The following C15orf61 variants were observed in gnomAD, a reference collection of about 807,000 sequenced individuals.
C15orf61 encodes the protein uncharacterized protein C15orf61.
Under a neutral mutation model 13.7 loss-of-function variants are expected in C15orf61, and 12 were observed. That is an observed-to-expected ratio of 0.88 (90% CI 0.56 to 1.42). The LOEUF (loss-of-function observed/expected upper bound fraction) is 1.42, where lower values mean the gene tolerates loss of function less well. Among genes scored for constraint, C15orf61 ranks in the 40% most tolerant of loss-of-function variants. The probability of loss-of-function intolerance (pLI) is 0.00; values close to 1 mark genes in which losing one functional copy is unlikely to be tolerated. For missense variants in C15orf61, 248 were observed against 213.2 expected (o/e 1.16, Z -1.02); for synonymous variants, 92 against 94.1 (o/e 0.98, Z 0.13).
chr15:67,521,888 G>A, intron 1 of C15orf61: 1 of 655,252 alleles, frequency 1.5e-6, no homozygotes, highest in East Asian at 2.8e-5. Flanking sequence ...CCCTGGCCTG[G>A]GCAGTAAGCC....
intron 1 of C15orf61, among the ~76,000 whole-genome samples, chr15:67,523,045 T>C (rs2084177454): frequency 6.6e-6 from 1 of 152,182 alleles, no homozygotes; most frequent in Non-Finnish European, 1.5e-5. Context: ...TTTTTTGTTT[T>C]GTTTTGTTTA....
At position 67,521,136 on chromosome 15, in the gene C15orf61, G is replaced by T. The variant is rs538974331; in HGVS notation, c.-113G>T. ...CTGTGCGCACGCGCCGCCGCACACC[G>T]GGGGCTCTCGGGCACCCGCGCGGCG... is the stretch of plus-strand genomic sequence containing the variant. On this transcript the variant is annotated 5_prime_UTR_variant, in exon 1 of 2. Transcript: ENST00000342683. The T allele has an allele frequency of 6.2e-5, 37 of 593,280 alleles. No individual in the cohort carries two copies. In the African/African-American group the frequency reaches 6.9e-4, roughly 11 times the overall value. The allele number at this position is 593,280 out of a possible 1,614,324, so 36.8% of individuals were successfully genotyped here.
At position 67,527,222 on chromosome 15, in the gene C15orf61, C is replaced by G. The variant is rs553314551; in HGVS notation, c.*677C>G. The G allele has an allele frequency of 1.4e-4, 22 of 152,260 alleles. No individual in the cohort carries two copies. The East Asian group carries it at 2.7e-3, about 19-fold the overall frequency. The allele number at this position is 152,260 out of a possible 1,614,324, so 9.4% of individuals were successfully genotyped here. On this transcript the variant is annotated 3_prime_UTR_variant, in exon 2 of 2. Coordinates refer to ENST00000342683, the MANE Select transcript of C15orf61 (RefSeq NM_001143936.2). ...TCAGACTTATTAAAAGTTAAAACAG[C>G]TTTCCTATAAAGCTGTAAGAACAAT...
chr15:67,521,561 C>T lies in C15orf61; in HGVS notation c.313C>T (p.Arg105Cys), dbSNP rs1383229677. The T allele has an allele frequency of 2.6e-6, 4 of 1,540,908 alleles. No individual in the cohort carries two copies. Among genetic ancestry groups the T allele is most frequent in the East Asian group, 2.5e-5 (1 of 40,608 alleles). The change falls in exon 1 of 2, where the codon CGC becomes TGC. Residue 105 changes from arginine to cysteine, a missense_variant. Physicochemically the swap from Arg to Cys is radical, Grantham distance 180. Coordinates refer to ENST00000342683, the MANE Select transcript of C15orf61 (RefSeq NM_001143936.2). ...APWQDLARQNRFFTALKVVNL... is the reference protein window; with the variant it reads ...APWQDLARQNCFFTALKVVNL... ...CTGGCAGGACCTGGCCCGGCAGAAC[C>T]GCTTCTTCACGGCGCTCAAGGTCGT...
chr15:67,524,833 G>GTT (rs1307736179), intron 1 of C15orf61, among the ~76,000 whole-genome samples: 6 of 112,646 alleles, frequency 5.3e-5, no homozygotes, highest in African/African-American at 1.4e-4. Context: ...TTGCTTTTTT[G>GTT]TTTGTTTTTT....
chr15:67,523,723 G>GA (rs1286190418), intron 1 of C15orf61, among the ~76,000 whole-genome samples: 5 of 152,150 alleles, frequency 3.3e-5, no homozygotes, highest in Middle Eastern at 3.4e-3. Flanking sequence ...TAATTTTTCA[G>GA]AAAAAATTGA....
At chr15:67,524,665 C>T (rs1371480907) in intron 1 of C15orf61, among the ~76,000 whole-genome samples, 6 of 152,080 alleles carry the variant, frequency 3.9e-5, no homozygotes, top group African/African-American at 1.4e-4. Flanking sequence ...GATGCTTCTC[C>T]TGATTAATCT....
chr15:67,521,275 G>A lies in C15orf61; in HGVS notation c.27G>A (p.Glu9=), dbSNP rs560365405. ...TGGAGGCCCTGAGGAGGGCCCACGA[G>A]GTCGCGCTCCGCCTGCTGCTGTGTA... MEALRRAH[E]VALRLLLCRP... Residue 9 remains glutamate, a synonymous_variant, in exon 1 of 2, where the codon GAG becomes GAA. Coordinates refer to ENST00000342683, the MANE Select transcript of C15orf61 (RefSeq NM_001143936.2). 1.4e-6 allele frequency: 2 copies of A among 1,437,694 alleles called. No homozygotes were observed. The highest frequency in any genetic ancestry group is 2.5e-5 in the Admixed American group (1 of 39,526). 89.1% of individuals were successfully genotyped at this position (1,437,694 alleles called of 1,614,324 possible).
rs911342931 is a variant in C15orf61, at chr15:67,525,499, A to G, written c.347-919A>G. 7.2e-5 allele frequency among the ~76,000 whole-genome samples: 11 copies of G among 152,216 alleles called. No homozygotes were observed. Among genetic ancestry groups the G allele is most frequent in the African/African-American group, 2.7e-4 (11 of 41,448 alleles). On this transcript the variant is annotated intron_variant, in intron 1 of 1. Transcript: ENST00000342683. This position sits in a 1 kb window ranked among gnomAD's most constrained non-coding sequence, Gnocchi z 4.9. ...CTTATCAATTCCAAAGAAGAAACAC[A>G]TGTTGGAGTCTACTATATATCTATT...
rs2084214849 is a variant in C15orf61, at chr15:67,529,125, A to G, written c.*2580A>G. 6.6e-6 allele frequency: 1 copy of G among 152,178 alleles called. No individual in the cohort carries two copies. The highest frequency in any genetic ancestry group is 2.1e-4 in the South Asian group (1 of 4,818). 9.4% of individuals were successfully genotyped at this position (152,178 alleles called of 1,614,324 possible). A position where few individuals can be genotyped will look rare whatever the true frequency, so the allele number is the denominator to read the frequency against. The stretch of plus-strand genomic sequence containing the variant: ...TTAATCCAACCAAAACTGTTTTAAT[A>G]AAGGTGTACTTTTAGTACAAAACCT... On this transcript the variant is annotated 3_prime_UTR_variant, in exon 2 of 2. Transcript: ENST00000342683. This position sits in a 1 kb window ranked among gnomAD's most constrained non-coding sequence, Gnocchi z 4.4.
intron 1 of C15orf61, chr15:67,521,980 A>G: frequency 1.4e-6 from 1 of 694,382 alleles, no homozygotes; most frequent in Non-Finnish European, 2.6e-6. Context: ...CATTCCCGTG[A>G]ACATCACTTT....
At position 67,526,615 on chromosome 15, in the gene C15orf61, C is replaced by A; in HGVS notation, c.*70C>A. On this transcript the variant is annotated 3_prime_UTR_variant, in exon 2 of 2. Transcript: ENST00000342683. ...TATATGTGCAGTATTTATTTTTGAT[C>A]CTTTAAAATAAAACTTTTGCAAATA... 2 of 1,328,636 alleles carry A rather than the reference C, an allele frequency of 1.5e-6. No individual in the cohort carries two copies. Among genetic ancestry groups the A allele is most frequent in the Non-Finnish European group, 2.0e-6 (2 of 1,014,032 alleles). 82.3% of individuals were successfully genotyped at this position (1,328,636 alleles called of 1,614,324 possible). A position where few individuals can be genotyped will look rare whatever the true frequency, so the allele number is the denominator to read the frequency against.
rs2084155476 is a variant in C15orf61 at position 67,521,166 on chromosome 15, T to A, written c.-83T>A. On this transcript the variant is annotated 5_prime_UTR_variant, in exon 1 of 2. The change creates a new upstream start codon in the 5' untranslated region. Transcript: ENST00000342683. ...CTCTCGGGCACCCGCGCGGCGCCGGTTGGCCTTCCCGGCGCTCGCCCGGGG... is the reference window on the plus strand; with the variant it reads ...CTCTCGGGCACCCGCGCGGCGCCGGATGGCCTTCCCGGCGCTCGCCCGGGG... 4.2e-6 allele frequency: 4 copies of A among 942,308 alleles called. No individual in the cohort carries two copies. The highest frequency in any genetic ancestry group is 4.0e-6 in the Non-Finnish European group (3 of 749,452). The allele number at this position is 942,308 out of a possible 1,614,324, so 58.4% of individuals were successfully genotyped here.
chr15:67,525,837 C>A lies in C15orf61; in HGVS notation c.347-581C>A, dbSNP rs1310614445. Among the ~76,000 whole-genome samples, 2 of 152,172 alleles carry A rather than the reference C, an allele frequency of 1.3e-5. No homozygotes were observed. Among genetic ancestry groups the A allele is most frequent in the East Asian group, 3.9e-4 (2 of 5,188 alleles). On this transcript the variant is annotated intron_variant, in intron 1 of 1. Transcript: ENST00000342683. This position sits in a 1 kb window ranked among gnomAD's most constrained non-coding sequence, Gnocchi z 4.9. ...GACCATCCTGGCCAACATGGTGAAA[C>A]CCCATCTCTACTAAAAAAGTACAAA...
chr15:67,524,015 A>G (rs1324580262), intron 1 of C15orf61, among the ~76,000 whole-genome samples: 1 of 152,170 alleles, frequency 6.6e-6, no homozygotes, highest in African/African-American at 2.4e-5. Flanking sequence ...AGCTGAAAAT[A>G]TATTGACCGT....
chr15:67,524,584 A>G (rs1485281457), intron 1 of C15orf61, among the ~76,000 whole-genome samples: 2 of 152,138 alleles, frequency 1.3e-5, no homozygotes, highest in African/African-American at 4.8e-5. Context: ...GACCCAGTAT[A>G]TTCCTAAAAA....
rs2084212911 is a variant in C15orf61, at chr15:67,528,813, T to A, written c.*2268T>A. 1 of 152,246 alleles carries A rather than the reference T, an allele frequency of 6.6e-6. No homozygotes were observed. The highest frequency in any genetic ancestry group is 2.1e-4 in the South Asian group (1 of 4,834). 9.4% of individuals were successfully genotyped at this position (152,246 alleles called of 1,614,324 possible). On this transcript the variant is annotated 3_prime_UTR_variant, in exon 2 of 2. Coordinates refer to ENST00000342683, the MANE Select transcript of C15orf61 (RefSeq NM_001143936.2). ...AGAAGAACGAAACAAGAGACATTTCTACCCGAAAATGTACATCAATTTTAC... is the reference window on the plus strand; with the variant it reads ...AGAAGAACGAAACAAGAGACATTTCAACCCGAAAATGTACATCAATTTTAC...
At chr15:67,523,955 A>C (rs1451870858) in intron 1 of C15orf61, among the ~76,000 whole-genome samples, 1 of 152,228 alleles carries the variant, frequency 6.6e-6, no homozygotes, top group African/African-American at 2.4e-5. Flanking sequence ...TTTTTTAATA[A>C]GACATAATAT....
rs767850067 is a variant in C15orf61, at chr15:67,525,875, G to A, written c.347-543G>A. Among the ~76,000 whole-genome samples, 14 of 152,120 alleles carry A rather than the reference G, an allele frequency of 9.2e-5. No homozygotes were observed. Among genetic ancestry groups the A allele is most frequent in the African/African-American group, 3.1e-4 (13 of 41,400 alleles). ...AAAAAAGTACAAAAATTATCTGAGC[G>A]TGGTGGCGCGCGCCTGTAGTCCCAG... On this transcript the variant is annotated intron_variant, in intron 1 of 1. Transcript: ENST00000342683. The surrounding 1 kb of genome is among the most constrained non-coding windows in gnomAD (Gnocchi z 4.9).
Sources: gnomAD v4.1 joint callset for allele counts (sites outside exome capture counted in the v4.1 genomes callset) on GRCh38, gnomAD v4.1.1 for gene constraint, Gnocchi (gnomAD v3.1) non-coding constraint, MANE v1.5 for transcripts, NCBI Gene and HGNC (gene_info 2026-07-23, HGNC 2026-07-21) for gene names.